Variants in AOPEP observed in about 807,000 individuals in gnomAD.
AOPEP encodes aminopeptidase O.
In AOPEP, 77 loss-of-function variants were observed where a neutral mutation model predicts 98.1. The observed-to-expected ratio is 0.78, with a 90% CI of 0.65 to 0.95. AOPEP has a LOEUF of 0.95. Among genes scored for constraint, AOPEP ranks in the 40% least tolerant of loss-of-function variants. AOPEP has a pLI of 0.00. For synonymous variants in AOPEP, 346 were observed against 365.3 expected (o/e 0.95, Z 0.60); for missense variants, 1,024 against 1,024.7 (o/e 1.00, Z 0.01).
intron 5 of AOPEP, among the ~76,000 whole-genome samples, chr9:94,910,092 G>A (rs1055055886): frequency 6.6e-6 from 1 of 152,182 alleles, no homozygotes; most frequent in African/African-American, 2.4e-5. Flanking sequence ...TGAATCGCGG[G>A]TCCCTGCCTA....
chr9:95,038,469 A>G (rs1345453709), intron 13 of AOPEP, among the ~76,000 whole-genome samples: 7 of 152,238 alleles, frequency 4.6e-5, no homozygotes. Flanking sequence ...CATGTTTGCC[A>G]CAAGTCTCAG....
At chr9:94,789,372 A>T (rs1313076727) in intron 3 of AOPEP, among the ~76,000 whole-genome samples, 1 of 152,188 alleles carries the variant, frequency 6.6e-6, no homozygotes, top group Non-Finnish European at 1.5e-5. Context: ...GGAAATTCTA[A>T]TGGTTCTTGG....
At chr9:95,083,835 C>T (rs1052935372) in intron 16 of AOPEP, among the ~76,000 whole-genome samples, 8 of 152,194 alleles carry the variant, frequency 5.3e-5, no homozygotes, top group African/African-American at 1.7e-4. Flanking sequence ...TGTGTTGGAG[C>T]GGAATTTCTC....
the AOPEP span, among the ~76,000 whole-genome samples, chr9:95,102,386 C>T: frequency 1.6e-3 from 249 of 152,290 alleles, 2 homozygotes; most frequent in African/African-American, 5.8e-3. Flanking sequence ...GAGCAGGAGA[C>T]ACAGCCTCAA....
At chr9:94,812,198 G>C (rs577502924) in intron 5 of AOPEP, among the ~76,000 whole-genome samples, 1 of 152,230 alleles carries the variant, frequency 6.6e-6, no homozygotes, top group Non-Finnish European at 1.5e-5. Context: ...CCTTAAACTT[G>C]GGAAGAAGTA....
the AOPEP span, among the ~76,000 whole-genome samples, chr9:95,148,501 A>G: frequency 1.2e-4 from 19 of 152,366 alleles, no homozygotes; most frequent in African/African-American, 4.6e-4. Context: ...GATAAATTTT[A>G]GCTTTTAAGC....
chr9:95,017,853 GT>G (rs1242881455), intron 13 of AOPEP, among the ~76,000 whole-genome samples: 2 of 152,172 alleles, frequency 1.3e-5, no homozygotes, highest in African/African-American at 4.8e-5. Flanking sequence ...CTGGTTTATA[GT>G]TTACCTTTTC....
At chr9:95,003,165 T>TGC (rs58360838) in intron 11 of AOPEP, among the ~76,000 whole-genome samples, 8,262 of 145,934 alleles carry the variant, frequency 0.057, 314 homozygotes, top group Non-Finnish European at 0.083. Flanking sequence ...TGTGTGTGTG[T>TGC]GCGCGCGCGC....
chr9:95,100,483 C>A, the AOPEP span: 508 of 231,982 alleles, frequency 2.2e-3, 2 homozygotes, highest in African/African-American at 0.011. Flanking sequence ...CTAATACACA[C>A]AAATCAAAAT....
the AOPEP span, among the ~76,000 whole-genome samples, chr9:95,104,652 TA>T: frequency 6.6e-6 from 1 of 152,134 alleles, no homozygotes; most frequent in African/African-American, 2.4e-5. Flanking sequence ...GGCATCAGGA[TA>T]ACTGAAGCAG....
intron 10 of AOPEP, among the ~76,000 whole-genome samples, chr9:94,970,842 CCT>C (rs2059493839): frequency 6.6e-6 from 1 of 151,798 alleles, no homozygotes; most frequent in African/African-American, 2.4e-5. Flanking sequence ...CTTTTCAGGT[CCT>C]CTCACAGAAT....
intron 9 of AOPEP, among the ~76,000 whole-genome samples, chr9:94,957,997 T>C (rs2058581213): frequency 6.6e-6 from 1 of 152,128 alleles, no homozygotes; most frequent in South Asian, 2.1e-4. Flanking sequence ...GTGCGATCAT[T>C]ACCACCATCC....
rs796403090 is a variant in AOPEP at position 94,829,667 on chromosome 9, CTCACCCTGGCCACATGTCAGATATGT to C, written c.1364+28693_1364+28718del. Among the ~76,000 whole-genome samples, 1,116 of 152,254 alleles carry C rather than the reference CTCACCCTGGCCACATGTCAGATATGT, an allele frequency of 7.3e-3. 12 individuals carry two copies. Among genetic ancestry groups the C allele is most frequent in the African/African-American group, 0.026 (1,076 of 41,522 alleles). On this transcript the variant is annotated intron_variant, in intron 5 of 16. Transcript: ENST00000375315. The stretch of plus-strand genomic sequence containing the variant: ...AAAACACCCTTGTGAGTCCCCTCCA[CTCACCCTGGCCACATGTCAGATATGT>C]TCACCCTGGCCACATGTCAGATATG...
intron 5 of AOPEP, among the ~76,000 whole-genome samples, chr9:94,861,833 G>A (rs925704515): frequency 6.6e-6 from 1 of 152,302 alleles, no homozygotes; most frequent in South Asian, 2.1e-4. Flanking sequence ...CGGGTCCTCC[G>A]TGCTTCTGTA....
At chr9:94,945,055 C>T (rs944087026) in intron 7 of AOPEP, among the ~76,000 whole-genome samples, 1 of 152,066 alleles carries the variant, frequency 6.6e-6, no homozygotes, top group African/African-American at 2.4e-5. Context: ...TGGTGACCTC[C>T]GAGGTTTGGA....
At chr9:95,101,578 G>A in the AOPEP span, 5 of 1,126,420 alleles carry the variant, frequency 4.4e-6, no homozygotes, top group East Asian at 1.3e-4. Context: ...CCCAAGATGT[G>A]TACAGCTCAT....
At chr9:94,924,888 A>G (rs576835746) in intron 6 of AOPEP, among the ~76,000 whole-genome samples, 2 of 152,356 alleles carry the variant, frequency 1.3e-5, no homozygotes, top group South Asian at 4.1e-4. Context: ...CCTGGTGCAC[A>G]CGCTCCCAGT....
intron 5 of AOPEP, among the ~76,000 whole-genome samples, chr9:94,903,289 C>T (rs2050670970): frequency 6.6e-6 from 1 of 151,636 alleles, no homozygotes; most frequent in African/African-American, 2.4e-5. Context: ...GGCCTTAAAA[C>T]CTTTTCTTGA....
At chr9:94,914,322 A>G (rs564233827) in intron 5 of AOPEP, among the ~76,000 whole-genome samples, 1 of 152,368 alleles carries the variant, frequency 6.6e-6, no homozygotes, top group Admixed American at 6.5e-5. Flanking sequence ...CCTGTCTGAA[A>G]GGACCAGCTC....
Sources: allele counts gnomAD v4.1 joint callset (sites outside exome capture counted in the v4.1 genomes callset), GRCh38; gene constraint gnomAD v4.1.1; transcripts MANE v1.5; gene names NCBI Gene and HGNC (gene_info 2026-07-23, HGNC 2026-07-21).